The following ZFP57 variants were observed in gnomAD, a reference collection of about 807,000 sequenced individuals.
ZFP57 encodes ZFP57 zinc finger protein.
In ZFP57, 12 loss-of-function variants were observed where a neutral mutation model predicts 15.8. The observed-to-expected ratio is 0.76, with a 90% confidence interval of 0.49 to 1.23. The LOEUF is 1.23. Ranked by LOEUF, ZFP57 falls within the 50% of genes most tolerant of loss-of-function variation. ZFP57 has a pLI of 0.00. For missense variants in ZFP57, 536 were observed against 654.9 expected, an observed-to-expected ratio of 0.82 and a Z score of 1.98; for synonymous variants, 203 against 242.3, an observed-to-expected ratio of 0.84 and a Z score of 1.51.
chr6:29,675,813 G>T, intron 3 of ZFP57, 120 bp downstream of exon 3: 1 of 1,291,698 alleles, frequency 7.7e-7, no homozygotes. Flanking sequence ...TTTCACACCT[G>T]GAAAGCATAG....
rs1284420667 is a variant in ZFP57 at position 29,673,041 on chromosome 6, G to C, written c.1070C>G (p.Thr357Ser). 1 of 1,612,820 alleles carries C rather than the reference G, an allele frequency of 6.2e-7. No homozygotes were observed. The highest frequency in any genetic ancestry group is 1.3e-5 in the African/African-American group (1 of 74,862). Reference sequence around the variant, plus strand: ...GAGGGTTCCAGTGATGGGTGCCTGGGTCCTGGTCACAGGTGCTTGGTTCTT... The same window carrying C: ...GAGGGTTCCAGTGATGGGTGCCTGGCTCCTGGTCACAGGTGCTTGGTTCTT... ...VLKNQAPVTR[T>S]QAPITGTLCQ... The change falls in exon 5 of 5, where the codon ACC becomes AGC. Residue 357 changes from threonine to serine, a missense_variant. Coordinates refer to ENST00000376883, the MANE Select transcript of ZFP57 (RefSeq NM_001109809.5). This position sits in a 1 kb window ranked among gnomAD's most constrained non-coding sequence, Gnocchi z 4.7.
At position 29,672,651 on chromosome 6, in the gene ZFP57, T is replaced by C. The variant is rs1771739725; in HGVS notation, c.1460A>G (p.His487Arg). Residue 487 changes from histidine to arginine, a missense_variant, in exon 5 of 5, where the codon CAT (histidine) becomes CGT (arginine). By Grantham distance (29) the His-to-Arg change is conservative (BLOSUM62 0). Coordinates refer to ENST00000376883, the MANE Select transcript of ZFP57 (RefSeq NM_001109809.5). ...CTCCCCAGCCATAGTGGGGACATCATGAGAGAAGCCAAGCCACTGGCCCAG... is the reference window on the plus strand; with the variant it reads ...CTCCCCAGCCATAGTGGGGACATCACGAGAGAAGCCAAGCCACTGGCCCAG... ...VILGQWLGFSHDVPTMAGEEW... is the reference protein window; with the variant it reads ...VILGQWLGFSRDVPTMAGEEW... The C allele has an allele frequency of 5.0e-6, 8 of 1,611,372 alleles. No homozygotes were observed. In the East Asian group the frequency reaches 1.8e-4, roughly 36 times the overall value.
chr6:29,676,391 C>T lies in ZFP57; in HGVS notation c.124-332G>A, dbSNP rs28652939. Among the ~76,000 whole-genome samples the T allele has an allele frequency of 5.6e-3, 845 of 152,062 alleles. 26 individuals carry two copies. The highest frequency in any genetic ancestry group is 0.051 in the Admixed American group (783 of 15,258). On this transcript the variant is annotated intron_variant, in intron 2 of 4. Transcript: ENST00000376883. ...TCTCTGCTAAAAACACAAAAATTAGCTGGGCATGGTGGCGCATGCCTGTAA... is the reference window on the plus strand; with the variant it reads ...TCTCTGCTAAAAACACAAAAATTAGTTGGGCATGGTGGCGCATGCCTGTAA...
At chr6:29,679,038 A>AC (rs1772205299) in intron 1 of ZFP57, among the ~76,000 whole-genome samples, 1 of 143,546 alleles carries the variant, frequency 7.0e-6, no homozygotes, top group Admixed American at 7.1e-5. Context: ...AACAACAACA[A>AC]AAACAAAGTA....
chr6:29,679,910 C>CAAA lies in ZFP57; in HGVS notation c.-364+1149_-364+1151dup, dbSNP rs67398923. The stretch of plus-strand genomic sequence containing the variant: ...AAAAACAAACAAACAAACAAACAAA[C>CAAA]AAAAAAAAACGCCTTAGTAACAGTG... On this transcript the variant is annotated intron_variant, in intron 1 of 4. Coordinates refer to ENST00000376883, the MANE Select transcript of ZFP57 (RefSeq NM_001109809.5). Among the ~76,000 whole-genome samples, 154 of 107,290 alleles carry CAAA rather than the reference C, an allele frequency of 1.4e-3. 1 individual carries two copies. Among genetic ancestry groups the CAAA allele is most frequent in the African/African-American group, 5.1e-3 (147 of 28,658 alleles). The allele number at this position is 107,290 out of a possible 152,430, so 70.4% of individuals were successfully genotyped here.
chr6:29,676,792 T>C (rs1364590624), intron 2 of ZFP57, 89 bp downstream of exon 2: 1 of 1,540,512 alleles, frequency 6.5e-7, no homozygotes, highest in African/African-American at 1.4e-5. Flanking sequence ...AATCTGAGAT[T>C]TCATTTGACC....
At chr6:29,674,094 C>CAAA (rs1259618869) in intron 4 of ZFP57, among the ~76,000 whole-genome samples, 3 of 69,094 alleles carry the variant, frequency 4.3e-5, no homozygotes, top group Non-Finnish European at 8.5e-5. Flanking sequence ...AACTCTGTCT[C>CAAA]AAAAAAAAAA....
chr6:29,677,044 T>A lies in ZFP57; in HGVS notation c.-41A>T. 1 of 1,613,800 alleles carries A rather than the reference T, an allele frequency of 6.2e-7. No homozygotes were observed. Among genetic ancestry groups the A allele is most frequent in the Non-Finnish European group, 8.5e-7 (1 of 1,180,014 alleles). On this transcript the variant is annotated 5_prime_UTR_variant, in exon 2 of 5. Transcript: ENST00000376883. ...GTCTCTTTCTAGCTTTATCCACTCC[T>A]GGCCTGGTGCCCAGGCCTGACTGGA...
In ZFP57 at chr6:29,673,443, C is replaced by T. The variant is rs752929320; in HGVS notation, c.668G>A (p.Arg223His). The T allele has an allele frequency of 3.7e-5, 60 of 1,612,938 alleles. No homozygotes were observed. The highest frequency in any genetic ancestry group is 1.7e-4 in the African/African-American group (13 of 74,912). Residue 223 changes from arginine (R) to histidine (H), a missense_variant, in exon 5 of 5, where the codon CGC becomes CAC. Transcript: ENST00000376883. The surrounding 1 kb of genome is among the most constrained non-coding windows in gnomAD (Gnocchi z 4.7). ...GAAGGGCCTCTCCCCAAGATGCATG[C>T]GTCTGTGATAGCTGAGGGACTTGGG... The part of the protein sequence containing the change: ...RSPKSLSYHR[R>H]MHLGERPFCC...
rs763672670 is a variant in ZFP57 at position 29,673,186 on chromosome 6, C to T, written c.925G>A (p.Ala309Thr). ...GTQAEFQTPI[A>T]RSQRSIQGLL... The stretch of plus-strand genomic sequence containing the variant: ...CCCTGGATGGACCTCTGGCTTCTGG[C>T]GATGGGTGTCTGGAATTCAGCCTGG... Residue 309 changes from alanine to threonine, a missense_variant, in exon 5 of 5, where the codon GCC becomes ACC. By Grantham distance (58) the Ala-to-Thr change is moderately conservative (BLOSUM62 0). Transcript: ENST00000376883. This position sits in a 1 kb window ranked among gnomAD's most constrained non-coding sequence, Gnocchi z 4.7. The T allele has an allele frequency of 7.4e-6, 12 of 1,612,770 alleles. No individual in the cohort carries two copies. The highest frequency in any genetic ancestry group is 3.3e-5 in the Admixed American group (2 of 59,972).
intron 4 of ZFP57, among the ~76,000 whole-genome samples, chr6:29,674,094 CAAA>C (rs1259618869): frequency 1.4e-5 from 1 of 69,140 alleles, no homozygotes. Flanking sequence ...AACTCTGTCT[CAAA>C]AAAAAAAAAA....
rs1224349155 is a variant in ZFP57 at position 29,673,004 on chromosome 6, G to A, written c.1107C>T (p.Ala369=). The change falls in exon 5 of 5, where the codon GCC becomes GCT. Residue 369 remains alanine, a synonymous_variant. Coordinates refer to ENST00000376883, the MANE Select transcript of ZFP57 (RefSeq NM_001109809.5). This position sits in a 1 kb window ranked among gnomAD's most constrained non-coding sequence, Gnocchi z 4.7. ...APITGTLCQD[A]RSNSHPVKPS... ...GCTTCACTGGATGAGAGTTGGATCT[G>A]GCATCCTGACAGAGGGTTCCAGTGA... is the stretch of plus-strand genomic sequence containing the variant. 5 of 1,612,952 alleles carry A rather than the reference G, an allele frequency of 3.1e-6. No individual in the cohort carries two copies. Among genetic ancestry groups the A allele is most frequent in the Non-Finnish European group, 4.2e-6 (5 of 1,180,042 alleles).
At chr6:29,675,017 G>GTAGTCCAAAAATTAGC (rs1326318885) in intron 4 of ZFP57, among the ~76,000 whole-genome samples, 3 of 152,106 alleles carry the variant, frequency 2.0e-5, no homozygotes, top group Non-Finnish European at 4.4e-5. Context: ...TCTGGACACG[G>GTAGTCCAAAAATTAGC]TGGCACATGC....
Position 29,673,807 on chromosome 6 carries a change from A to G in ZFP57, c.353-49T>C. On this transcript the variant is annotated intron_variant, in intron 4 of 4. Transcript: ENST00000376883. The surrounding 1 kb of genome is among the most constrained non-coding windows in gnomAD (Gnocchi z 4.7). ...CACAAAATTCACTGTAAGAACTCCA[A>G]CAGAGGCTTGGCATGGTGGCTCACA... 1.2e-6 allele frequency: 2 copies of G among 1,609,160 alleles called. No individual in the cohort carries two copies. The highest frequency in any genetic ancestry group is 1.7e-6 in the Non-Finnish European group (2 of 1,177,010).
Position 29,673,086 on chromosome 6 carries a change from T to C in ZFP57, c.1025A>G (p.Gln342Arg). ...GTTCTTAAGTACAGATGCCTGGTTC[T>C]GGGCCATAGGACCCTCAGTTCTAAA... ...PIFRTEGPMA[Q>R]NQASVLKNQA... The change falls in exon 5 of 5, where the codon CAG (glutamine) becomes CGG (arginine). Residue 342 changes from glutamine (Q) to arginine (R), a missense_variant. By Grantham distance (43) the Gln-to-Arg change is conservative (BLOSUM62 1). Coordinates refer to ENST00000376883, the MANE Select transcript of ZFP57 (RefSeq NM_001109809.5). The surrounding 1 kb of genome is among the most constrained non-coding windows in gnomAD (Gnocchi z 4.7). 6.2e-7 allele frequency: 1 copy of C among 1,613,042 alleles called. No individual in the cohort carries two copies. Among genetic ancestry groups the C allele is most frequent in the Non-Finnish European group, 8.5e-7 (1 of 1,180,014 alleles).
rs746135187 is a variant in ZFP57 at position 29,676,932 on chromosome 6, G to T, written c.72C>A (p.Thr24=). The stretch of plus-strand genomic sequence containing the variant: ...AATCTCTCTTCATGGCTTCCTGCAG[G>T]GTGGCAGCTACCTCGCCCACCCATG... The part of the protein sequence containing the change: ...TLPWVGEVAA[T]LQEAMKRDCW... The change falls in exon 2 of 5, where the codon ACC becomes ACA. Residue 24 remains threonine (T), a synonymous_variant. Transcript: ENST00000376883. 6.2e-7 allele frequency: 1 copy of T among 1,614,048 alleles called. No homozygotes were observed. Among genetic ancestry groups the T allele is most frequent in the South Asian group, 1.1e-5 (1 of 91,088 alleles).
chr6:29,676,568 A>G (rs1309821818), intron 2 of ZFP57, among the ~76,000 whole-genome samples: 1 of 151,422 alleles, frequency 6.6e-6, no homozygotes, highest in East Asian at 1.9e-4. Flanking sequence ...AAAAAAGGAA[A>G]GGAAAGATGA....
chr6:29,674,979 C>G (rs1771992706), intron 4 of ZFP57, among the ~76,000 whole-genome samples: 1 of 151,802 alleles, frequency 6.6e-6, no homozygotes, highest in Non-Finnish European at 1.5e-5. Flanking sequence ...ATGGTGAAAC[C>G]CTGTCTCTAC....
At chr6:29,676,108 G>C (rs749909425) in intron 2 of ZFP57, 49 bp from the exon 3 acceptor site, 6 of 1,462,740 alleles carry the variant, frequency 4.1e-6, no homozygotes, top group Non-Finnish European at 5.7e-6. Flanking sequence ...ATATATGTGT[G>C]TGTGTGTGTG....
Sources: allele counts gnomAD v4.1 joint callset (sites outside exome capture counted in the v4.1 genomes callset), GRCh38; gene constraint gnomAD v4.1.1; non-coding constraint Gnocchi (gnomAD v3.1); transcripts MANE v1.5; gene names NCBI Gene and HGNC (gene_info 2026-07-23, HGNC 2026-07-21).